Variants in PDE4D observed in about 807,000 individuals in gnomAD.
The protein encoded by PDE4D is 3',5'-cyclic-AMP phosphodiesterase 4D.
Under a neutral mutation model 87.4 loss-of-function variants are expected in PDE4D, and 24 were observed. That is an observed-to-expected ratio of 0.27 (90% CI 0.20 to 0.39). The LOEUF (loss-of-function observed/expected upper bound fraction) is 0.39, where lower values mean the gene tolerates loss of function less well. Ranked by LOEUF, PDE4D falls within the 10% of genes least tolerant of loss-of-function variation. The pLI is 1.00. For synonymous variants in PDE4D, 384 were observed against 383.2 expected (o/e 1.00, Z -0.02); for missense variants, 714 against 1,041.0 (o/e 0.69, Z 4.32).
chr5:60,050,258 A>T (rs1769952940), intron 2 of PDE4D, among the ~76,000 whole-genome samples: 1 of 152,052 alleles, frequency 6.6e-6, no homozygotes, highest in Admixed American at 6.5e-5. Flanking sequence ...ACCTGCGCCC[A>T]CTGTCTGGCA....
chr5:59,670,053 A>G (rs780779270), intron 1 of PDE4D, among the ~76,000 whole-genome samples: 29 of 152,266 alleles, frequency 1.9e-4, no homozygotes, highest in Non-Finnish European at 3.5e-4. Context: ...CCACACCACT[A>G]TCAATGAATT....
At chr5:60,075,220 C>A (rs924897987) in intron 2 of PDE4D, among the ~76,000 whole-genome samples, 4 of 152,196 alleles carry the variant, frequency 2.6e-5, no homozygotes, top group Non-Finnish European at 5.9e-5. Context: ...AAGGAATTCC[C>A]TCAGCATTTG....
At chr5:59,574,075 T>A (rs1178481678) in intron 1 of PDE4D, among the ~76,000 whole-genome samples, 6 of 15,106 alleles carry the variant, frequency 4.0e-4, no homozygotes, top group East Asian at 3.1e-3. Flanking sequence ...TATATATTTA[T>A]ATATATATTT....
intron 1 of PDE4D, among the ~76,000 whole-genome samples, chr5:60,186,612 C>A (rs1784803305): frequency 6.6e-6 from 1 of 151,916 alleles, no homozygotes; most frequent in Admixed American, 6.6e-5. Context: ...TCTGATATTG[C>A]AGGTTTAGGC....
intron 2 of PDE4D, 32 bp from the exon 3 acceptor site, chr5:59,193,568 T>C: frequency 3.1e-6 from 5 of 1,611,006 alleles, no homozygotes; most frequent in South Asian, 1.1e-5. Context: ...GCATTAGAAA[T>C]CATCAATAAC....
chr5:59,217,940 C>G, intron 1 of PDE4D: 3 of 439,942 alleles, frequency 6.8e-6, no homozygotes, highest in South Asian at 5.0e-5. Flanking sequence ...ATTTATTAAG[C>G]ACTTAATATG....
intron 1 of PDE4D, among the ~76,000 whole-genome samples, chr5:59,784,583 A>G (rs1395888700): frequency 1.3e-5 from 2 of 152,230 alleles, no homozygotes; most frequent in Non-Finnish European, 2.9e-5. Flanking sequence ...TGCTATTAAC[A>G]TAGGAATTAG....
At chr5:60,007,885 T>A (rs1480475925) in intron 2 of PDE4D, among the ~76,000 whole-genome samples, 1 of 152,008 alleles carries the variant, frequency 6.6e-6, no homozygotes, top group Non-Finnish European at 1.5e-5. Context: ...CAAAGATCTC[T>A]GCTCTCAAAG....
At chr5:59,898,599 G>A (rs552655350), upstream of PDE4D, among the ~76,000 whole-genome samples, 13 of 152,316 alleles carry the variant, frequency 8.5e-5, no homozygotes, top group Non-Finnish European at 1.2e-4. Flanking sequence ...ATGTGTGTAC[G>A]TCTTGGGGAG....
At chr5:59,836,158 T>C (rs1167103951) in intron 1 of PDE4D, among the ~76,000 whole-genome samples, 1 of 152,036 alleles carries the variant, frequency 6.6e-6, no homozygotes, top group Admixed American at 6.6e-5. Flanking sequence ...GTGTTCATCA[T>C]TGTCATCATC....
At chr5:59,917,853 T>C (rs568517479) in intron 3 of PDE4D, among the ~76,000 whole-genome samples, 53 of 152,194 alleles carry the variant, frequency 3.5e-4, no homozygotes, top group Non-Finnish European at 6.9e-4. Flanking sequence ...TAGATTTTGT[T>C]ATATAAAAAT....
intron 1 of PDE4D, among the ~76,000 whole-genome samples, chr5:59,756,715 C>T (rs116147520): frequency 5.3e-5 from 8 of 151,664 alleles, no homozygotes; most frequent in Non-Finnish European, 1.0e-4. Context: ...GTTTCTCAAT[C>T]GATCAAAAAA....
At chr5:60,122,530 G>A (rs756898721) in intron 2 of PDE4D, among the ~76,000 whole-genome samples, 6 of 152,230 alleles carry the variant, frequency 3.9e-5, no homozygotes, top group African/African-American at 9.6e-5. Context: ...GCCATAGCAC[G>A]AGCTGTACTT....
intron 5 of PDE4D, among the ~76,000 whole-genome samples, chr5:59,178,987 G>A (rs1490544470): frequency 6.6e-6 from 1 of 152,060 alleles, no homozygotes; most frequent in Non-Finnish European, 1.5e-5. Flanking sequence ...GAAACAGAGG[G>A]ATCCGGTTCC....
At chr5:60,379,722 A>C (rs1761711726) in intron 1 of PDE4D, among the ~76,000 whole-genome samples, 1 of 152,152 alleles carries the variant, frequency 6.6e-6, no homozygotes, top group South Asian at 2.1e-4. Flanking sequence ...CACACTACTC[A>C]GTGCTTTAAT....
intron 1 of PDE4D, among the ~76,000 whole-genome samples, chr5:59,391,851 T>G: frequency 6.6e-6 from 1 of 151,246 alleles, no homozygotes; most frequent in Admixed American, 6.6e-5. Flanking sequence ...CACACACACA[T>G]TCGTTAACCT....
chr5:59,307,747 T>C (rs1771695126), intron 1 of PDE4D, among the ~76,000 whole-genome samples: 1 of 152,012 alleles, frequency 6.6e-6, no homozygotes, highest in Admixed American at 6.6e-5. Flanking sequence ...ATAGGAATAC[T>C]TTTACACTGT....
chr5:59,863,774 A>G (rs970634583), intron 1 of PDE4D, among the ~76,000 whole-genome samples: 7 of 151,986 alleles, frequency 4.6e-5, no homozygotes, highest in Admixed American at 1.3e-4. Context: ...TTAGTTTAGG[A>G]TTTTTTTTAA....
chr5:60,452,814 A>G (rs1470043526), intron 1 of PDE4D, among the ~76,000 whole-genome samples: 1 of 152,094 alleles, frequency 6.6e-6, no homozygotes, highest in Non-Finnish European at 1.5e-5. Context: ...CAAAATTAAA[A>G]AATTGTTTAA....
Sources: gnomAD v4.1 joint callset for allele counts (sites outside exome capture counted in the v4.1 genomes callset) on GRCh38, gnomAD v4.1.1 for gene constraint, MANE v1.5 for transcripts, NCBI Gene and HGNC (gene_info 2026-07-23, HGNC 2026-07-21) for gene names.